Variants in SLC26A5 observed in about 807,000 individuals in gnomAD.
SLC26A5 encodes the protein prestin.
Under a neutral mutation model 81.0 loss-of-function variants are expected in SLC26A5, and 51 were observed. The ratio of observed to expected loss-of-function variants is 0.63; its 90% CI spans 0.50 to 0.80. The LOEUF is 0.80. Among genes scored for constraint, SLC26A5 ranks in the 30% least tolerant of loss-of-function variants. The probability of loss-of-function intolerance (pLI) is 0.00; values close to 1 mark genes in which losing one functional copy is unlikely to be tolerated. For missense variants in SLC26A5, 771 were observed against 905.8 expected, an observed-to-expected ratio of 0.85 and a Z score of 1.91; for synonymous variants, 325 against 332.8, an observed-to-expected ratio of 0.98 and a Z score of 0.25.
chr7:103,444,015 G>C (rs1029901864), intron 1 of SLC26A5, among the ~76,000 whole-genome samples: 2 of 152,166 alleles, frequency 1.3e-5, no homozygotes, highest in African/African-American at 4.8e-5. Flanking sequence ...TTGTTTTCAA[G>C]GGTGAAGGTG....
chr7:103,420,721 A>G lies in SLC26A5; in HGVS notation c.292+17T>C. The G allele has an allele frequency of 6.2e-7, 1 of 1,613,854 alleles. No homozygotes were observed. The highest frequency in any genetic ancestry group is 1.1e-5 in the South Asian group (1 of 91,078). ...TTTGAGGACAGCAAGGGGGGAAAGA[A>G]AGAAAGATCTACTGACCTTGAGGAA... is the stretch of plus-strand genomic sequence containing the variant. On this transcript the variant is annotated intron_variant, in intron 4 of 19. Coordinates refer to ENST00000306312, the MANE Select transcript of SLC26A5 (RefSeq NM_198999.3).
chr7:103,409,549 A>G (rs1824311237), intron 7 of SLC26A5, among the ~76,000 whole-genome samples: 1 of 152,206 alleles, frequency 6.6e-6, no homozygotes, highest in Non-Finnish European at 1.5e-5. Flanking sequence ...TCAGTTTCAC[A>G]TGATCGATTT....
At chr7:103,364,004 A>T in intron 19 of SLC26A5, 2 of 781,436 alleles carry the variant, frequency 2.6e-6, no homozygotes, top group Non-Finnish European at 2.0e-6. Context: ...TATATTGTGG[A>T]CTTAATAATT....
intron 2 of SLC26A5, among the ~76,000 whole-genome samples, chr7:103,434,343 G>A (rs1355093901): frequency 1.3e-5 from 2 of 152,028 alleles, no homozygotes; most frequent in Admixed American, 6.5e-5. Context: ...AATCTTAAAC[G>A]ACTTTATTTT....
chr7:103,370,387 A>G (rs945022595), downstream of SLC26A5, among the ~76,000 whole-genome samples: 1 of 105,288 alleles, frequency 9.5e-6, no homozygotes, highest in African/African-American at 3.7e-5. Flanking sequence ...GCACACCCCC[A>G]CCCCCCCAAC....
chr7:103,391,585 C>A (rs746520858), intron 11 of SLC26A5, 37 bp downstream of exon 11: 5 of 1,495,578 alleles, frequency 3.3e-6, no homozygotes, highest in South Asian at 1.1e-5. Context: ...AATTACCACC[C>A]ATATCATCAG....
chr7:103,407,770 T>C, intron 8 of SLC26A5, 81 bp downstream of exon 8: 1 of 1,521,884 alleles, frequency 6.6e-7, no homozygotes, highest in Non-Finnish European at 9.0e-7. Context: ...AAAATTCCTT[T>C]CATCCACTTC....
chr7:103,415,123 C>T (rs957817841), intron 4 of SLC26A5, among the ~76,000 whole-genome samples: 4 of 152,168 alleles, frequency 2.6e-5, no homozygotes, highest in African/African-American at 7.2e-5. Flanking sequence ...TCATTTAATG[C>T]ACTGTTATGC....
At chr7:103,403,291 T>A (rs976708614) in intron 8 of SLC26A5, among the ~76,000 whole-genome samples, 3 of 152,218 alleles carry the variant, frequency 2.0e-5, no homozygotes, top group Admixed American at 6.5e-5. Flanking sequence ...TACTTCCAAT[T>A]ATGAGGTCAA....
intron 8 of SLC26A5, among the ~76,000 whole-genome samples, chr7:103,399,862 T>C (rs1055988870): frequency 8.5e-5 from 13 of 152,140 alleles, no homozygotes; most frequent in African/African-American, 3.1e-4. Context: ...AGAATGATGG[T>C]TTCCAGCTTC....
At chr7:103,422,492 A>G (rs971126778) in intron 2 of SLC26A5, among the ~76,000 whole-genome samples, 1 of 152,162 alleles carries the variant, frequency 6.6e-6, no homozygotes, top group Non-Finnish European at 1.5e-5. Context: ...AAACAATAGT[A>G]TATGTTATTA....
At chr7:103,405,398 C>G (rs1161601577) in intron 8 of SLC26A5, among the ~76,000 whole-genome samples, 1 of 152,196 alleles carries the variant, frequency 6.6e-6, no homozygotes. Context: ...GATGTTGATG[C>G]TATTCCTTTC....
At chr7:103,406,401 A>C (rs1208256396) in intron 8 of SLC26A5, among the ~76,000 whole-genome samples, 3 of 152,160 alleles carry the variant, frequency 2.0e-5, no homozygotes, top group Non-Finnish European at 4.4e-5. Context: ...TCCTCACAGC[A>C]CAGTACCTCA....
At chr7:103,413,477 C>G (rs982457736) in intron 4 of SLC26A5, among the ~76,000 whole-genome samples, 1 of 152,156 alleles carries the variant, frequency 6.6e-6, no homozygotes, top group Non-Finnish European at 1.5e-5. Context: ...CTGGAGACCC[C>G]TTTGCAATAA....
intron 19 of SLC26A5, chr7:103,355,867 A>G: frequency 1.0e-6 from 1 of 969,632 alleles, no homozygotes; most frequent in Non-Finnish European, 1.5e-6. Flanking sequence ...TCTCAGGGAT[A>G]ATGCAATAGT....
chr7:103,419,309 C>A (rs1390838915), intron 4 of SLC26A5, among the ~76,000 whole-genome samples: 1 of 152,014 alleles, frequency 6.6e-6, no homozygotes, highest in Non-Finnish European at 1.5e-5. Context: ...AGAATGAAAC[C>A]CAAAAATGGC....
intron 19 of SLC26A5, among the ~76,000 whole-genome samples, chr7:103,360,445 A>T (rs1366063177): frequency 6.6e-6 from 1 of 152,040 alleles, no homozygotes; most frequent in African/African-American, 2.4e-5. Context: ...TCACACAATT[A>T]TGCTATCAGG....
Position 103,416,438 on chromosome 7 carries a change from A to G in SLC26A5, c.293-3326T>C, listed in dbSNP as rs566991678. Among the ~76,000 whole-genome samples the G allele has an allele frequency of 3.9e-5, 6 of 152,368 alleles. No individual in the cohort carries two copies. The South Asian group carries it at 1.2e-3, about 32-fold the overall frequency. On this transcript the variant is annotated intron_variant, in intron 4 of 19. Coordinates refer to ENST00000306312, the MANE Select transcript of SLC26A5 (RefSeq NM_198999.3). ...AGAAGGGAACAGCCTTTGCTGGCTC[A>G]CAGTTCAGTGTGCAGACTTTTAGTT...
chr7:103,421,665 G>T (rs891886930), intron 2 of SLC26A5, 98 bp from the exon 3 acceptor site: 1 of 801,950 alleles, frequency 1.2e-6, no homozygotes, highest in Non-Finnish European at 2.1e-6. Flanking sequence ...TTCTTCTGAG[G>T]CTTTCTTTGG....
Sources: gnomAD v4.1 joint callset for allele counts (sites outside exome capture counted in the v4.1 genomes callset) on GRCh38, gnomAD v4.1.1 for gene constraint, MANE v1.5 for transcripts, NCBI Gene and HGNC (gene_info 2026-07-23, HGNC 2026-07-21) for gene names.